Variants in ANKRD6 observed in about 807,000 individuals in gnomAD.
The protein encoded by ANKRD6 is ankyrin repeat domain-containing protein 6.
Under a neutral mutation model 82.3 loss-of-function variants are expected in ANKRD6, and 56 were observed. That is an observed-to-expected ratio of 0.68 (90% CI 0.55 to 0.85). The LOEUF is 0.85. Ranked by LOEUF, ANKRD6 falls within the 40% of genes least tolerant of loss-of-function variation. The probability of loss-of-function intolerance (pLI) is 0.00; values close to 1 mark genes in which losing one functional copy is unlikely to be tolerated. For missense variants in ANKRD6, 852 were observed against 907.6 expected (o/e 0.94, Z 0.79); for synonymous variants, 347 against 352.1 (o/e 0.99, Z 0.16).
chr6:89,532,963 T>G (rs1583129833), intron 1 of ANKRD6, among the ~76,000 whole-genome samples: 1 of 151,604 alleles, frequency 6.6e-6, no homozygotes, highest in Admixed American at 6.6e-5. Context: ...AACCTCCGCC[T>G]CCCAGGTTCA....
chr6:89,544,731 A>G (rs1032340647), intron 1 of ANKRD6, among the ~76,000 whole-genome samples: 1 of 151,926 alleles, frequency 6.6e-6, no homozygotes, highest in South Asian at 2.1e-4. Context: ...ACCCCAAAAA[A>G]CAAAAAACAA....
intron 5 of ANKRD6, among the ~76,000 whole-genome samples, chr6:89,609,673 G>A (rs973269728): frequency 3.4e-5 from 5 of 147,706 alleles, no homozygotes; most frequent in Non-Finnish European, 7.5e-5. Flanking sequence ...AGGCTGGAGC[G>A]CGATCTCGGC....
chr6:89,496,618 G>A (rs1181027587), intron 1 of ANKRD6, among the ~76,000 whole-genome samples: 2 of 152,114 alleles, frequency 1.3e-5, no homozygotes, highest in African/African-American at 4.8e-5. Flanking sequence ...CTCCTCCCGG[G>A]TTTAAGCAAT....
chr6:89,631,571 T>C lies in ANKRD6; in HGVS notation c.*567T>C, dbSNP rs1807405190. On this transcript the variant is annotated 3_prime_UTR_variant, in exon 16 of 16. Transcript: ENST00000339746. ...AGATTTTTGAGGAGAAATATTTTCA[T>C]GATGTCACAAGATCCAATATATCTT... 6.6e-6 allele frequency: 1 copy of C among 152,224 alleles called. No individual in the cohort carries two copies. Among genetic ancestry groups the C allele is most frequent in the South Asian group, 2.1e-4 (1 of 4,834 alleles). The allele number at this position is 152,224 out of a possible 1,614,324, so 9.4% of individuals were successfully genotyped here.
intron 2 of ANKRD6, among the ~76,000 whole-genome samples, chr6:89,581,857 C>T (rs112706114): frequency 6.6e-6 from 1 of 152,194 alleles, no homozygotes; most frequent in African/African-American, 2.4e-5. Flanking sequence ...TGCAGTGCTT[C>T]GTTCTGCTCC....
At chr6:89,479,094 T>A (rs1230973364) in intron 1 of ANKRD6, among the ~76,000 whole-genome samples, 4 of 152,142 alleles carry the variant, frequency 2.6e-5, no homozygotes, top group Non-Finnish European at 1.5e-5. Context: ...GAAGTCAAGT[T>A]CTCTGTCTCG....
At chr6:89,611,620 G>T (rs983008566) in intron 5 of ANKRD6, among the ~76,000 whole-genome samples, 2 of 152,242 alleles carry the variant, frequency 1.3e-5, no homozygotes, top group African/African-American at 4.8e-5. Context: ...GACCCAAAAA[G>T]CAAGAGGGTC....
At chr6:89,448,057 C>T (rs1201631532) in intron 1 of ANKRD6, among the ~76,000 whole-genome samples, 1 of 152,116 alleles carries the variant, frequency 6.6e-6, no homozygotes, top group Non-Finnish European at 1.5e-5. Flanking sequence ...TAGGCCGACT[C>T]TGGTTAGGAG....
chr6:89,491,522 G>A (rs995716795), intron 1 of ANKRD6, among the ~76,000 whole-genome samples: 1 of 151,894 alleles, frequency 6.6e-6, no homozygotes, highest in Non-Finnish European at 1.5e-5. Flanking sequence ...ATCATTCTCA[G>A]CAAACTATTG....
chr6:89,511,805 C>A (rs954299595), intron 1 of ANKRD6, among the ~76,000 whole-genome samples: 1 of 152,062 alleles, frequency 6.6e-6, no homozygotes, highest in African/African-American at 2.4e-5. Flanking sequence ...TTATGATTTG[C>A]AAAATGATTT....
chr6:89,479,618 T>C (rs1776533949), intron 1 of ANKRD6, among the ~76,000 whole-genome samples: 1 of 149,530 alleles, frequency 6.7e-6, no homozygotes, highest in Admixed American at 6.7e-5. Context: ...TATTTATTTA[T>C]TTATTTATTT....
chr6:89,440,382 T>G (rs375081362), intron 1 of ANKRD6, among the ~76,000 whole-genome samples: 1 of 152,212 alleles, frequency 6.6e-6, no homozygotes, highest in African/African-American at 2.4e-5. Context: ...CAGTTTGTTA[T>G]GTAGATGCCT....
intron 5 of ANKRD6, among the ~76,000 whole-genome samples, chr6:89,607,655 CT>C (rs10598205): frequency 1.1e-3 from 148 of 135,824 alleles, no homozygotes; most frequent in African/African-American, 2.3e-3. Flanking sequence ...GGAGAAGAGA[CT>C]TTTTTTTTTT....
At chr6:89,566,176 AGTGTTTAGCATCT>A (rs1788474287) in intron 1 of ANKRD6, among the ~76,000 whole-genome samples, 1 of 152,216 alleles carries the variant, frequency 6.6e-6, no homozygotes, top group Non-Finnish European at 1.5e-5. Context: ...AGCCACTGTT[AGTGTTTAGCATCT>A]GTGTTGTCCC....
intron 2 of ANKRD6, among the ~76,000 whole-genome samples, chr6:89,591,616 T>A (rs1215621542): frequency 6.6e-6 from 1 of 152,234 alleles, no homozygotes; most frequent in Non-Finnish European, 1.5e-5. Flanking sequence ...GGCATTCCTA[T>A]GTGCTGGATA....
chr6:89,494,894 A>T (rs938760564), intron 1 of ANKRD6, among the ~76,000 whole-genome samples: 1 of 152,216 alleles, frequency 6.6e-6, no homozygotes, highest in African/African-American at 2.4e-5. Flanking sequence ...TGGGAAGAAT[A>T]AATTGATTAC....
At chr6:89,598,973 CAATTTG>C (rs1342850602) in intron 3 of ANKRD6, among the ~76,000 whole-genome samples, 2 of 152,116 alleles carry the variant, frequency 1.3e-5, no homozygotes. Flanking sequence ...AGAGCCTTGA[CAATTTG>C]ATTTCTGGTC....
chr6:89,591,162 G>A (rs1274459164), intron 2 of ANKRD6, among the ~76,000 whole-genome samples: 1 of 152,064 alleles, frequency 6.6e-6, no homozygotes, highest in Non-Finnish European at 1.5e-5. Context: ...GAAGTGCAAT[G>A]GTGCGATCAC....
intron 1 of ANKRD6, among the ~76,000 whole-genome samples, chr6:89,483,251 A>G (rs1776998261): frequency 6.6e-6 from 1 of 152,226 alleles, no homozygotes. Flanking sequence ...AGAGGGTGAC[A>G]AATCTCTCAT....
Sources: allele counts gnomAD v4.1 joint callset (sites outside exome capture counted in the v4.1 genomes callset), GRCh38; gene constraint gnomAD v4.1.1; transcripts MANE v1.5; gene names NCBI Gene and HGNC (gene_info 2026-07-23, HGNC 2026-07-21).